The following RC3H1 variants were observed in gnomAD, a reference collection of about 807,000 sequenced individuals.
RC3H1 encodes ring finger and CCCH-type domains 1.
RC3H1 carries 50 observed loss-of-function variants against 138.2 expected under a neutral mutation model. The observed-to-expected ratio is 0.36, with a 90% CI of 0.29 to 0.46. The LOEUF is 0.46. Ranked by LOEUF, RC3H1 falls within the 20% of genes least tolerant of loss-of-function variation. The pLI is 1.00. For synonymous variants in RC3H1, 462 were observed against 489.1 expected, an observed-to-expected ratio of 0.94 and a Z score of 0.73; for missense variants, 1,031 against 1,388.1, an observed-to-expected ratio of 0.74 and a Z score of 4.09.
chr1:174,022,053 G>C lies in RC3H1; in HGVS notation c.-151+43C>G, dbSNP rs1661977147. The C allele has an allele frequency of 5.1e-6, 2 of 394,434 alleles. No homozygotes were observed. Among genetic ancestry groups the C allele is most frequent in the East Asian group, 7.2e-5 (2 of 27,614 alleles). 24.4% of individuals were successfully genotyped at this position (394,434 alleles called of 1,614,324 possible). A position where few individuals can be genotyped will look rare whatever the true frequency, so the allele number is the denominator to read the frequency against. ...ATTGTTCCCGACTGAGGCCCCGGCCGCGGCAGCCCCGCTCCCCAAGTCGCC... is the reference window on the plus strand; with the variant it reads ...ATTGTTCCCGACTGAGGCCCCGGCCCCGGCAGCCCCGCTCCCCAAGTCGCC... On this transcript the variant is annotated intron_variant, in intron 1 of 19. Coordinates refer to ENST00000367696, the MANE Select transcript of RC3H1 (RefSeq NM_172071.4). The surrounding 1 kb of genome is among the most constrained non-coding windows in gnomAD (Gnocchi z 4.2).
At chr1:173,995,004 A>G (rs1329168890) in intron 1 of RC3H1, among the ~76,000 whole-genome samples, 1 of 152,132 alleles carries the variant, frequency 6.6e-6, no homozygotes, top group Admixed American at 6.5e-5. Flanking sequence ...CTAAATATAT[A>G]ATTGCAAGTT....
At chr1:173,956,486 C>T (rs933367716) in intron 13 of RC3H1, among the ~76,000 whole-genome samples, 4 of 151,452 alleles carry the variant, frequency 2.6e-5, no homozygotes, top group Admixed American at 2.6e-4. Context: ...ATGGAGAAAC[C>T]CCATCTCTAC....
intron 1 of RC3H1, among the ~76,000 whole-genome samples, chr1:173,994,309 C>T (rs1661407867): frequency 6.6e-6 from 1 of 151,946 alleles, no homozygotes; most frequent in Admixed American, 6.6e-5. Context: ...AGGAGAATTG[C>T]TTGAACCCAG....
chr1:173,964,833 A>G lies in RC3H1; in HGVS notation c.1616+6T>C. On this transcript the variant is annotated splice_donor_region_variant and intron_variant, in intron 10 of 19. Coordinates refer to ENST00000367696, the MANE Select transcript of RC3H1 (RefSeq NM_172071.4). ...TTTTGAAATAAGAGTTAGAAAAATG[A>G]CGTACAGGTCAGGAGGGGATCCAGG... The G allele has an allele frequency of 6.2e-7, 1 of 1,604,902 alleles. No homozygotes were observed. Among genetic ancestry groups the G allele is most frequent in the East Asian group, 2.2e-5 (1 of 44,640 alleles).
chr1:173,939,119 C>T (rs374107033), intron 19 of RC3H1, among the ~76,000 whole-genome samples: 9 of 151,828 alleles, frequency 5.9e-5, no homozygotes, highest in South Asian at 2.1e-4. Context: ...ATTTGTTTAA[C>T]GTATTATCCA....
At chr1:173,978,754 G>C (rs1660682742) in intron 6 of RC3H1, 134 bp from the exon 7 acceptor site, 1 of 904,756 alleles carries the variant, frequency 1.1e-6, no homozygotes, top group East Asian at 2.7e-5. Context: ...ACTTTGGCCA[G>C]AGTAGATTAC....
Position 173,943,485 on chromosome 1 carries a change from T to C in RC3H1, c.3092A>G (p.Gln1031Arg), listed in dbSNP as rs751814373. The C allele has an allele frequency of 3.0e-5, 49 of 1,613,940 alleles. No individual in the cohort carries two copies. In the East Asian group the frequency reaches 8.9e-4, roughly 29 times the overall value. Reference sequence around the variant, plus strand: ...TCTCTTCCCGATTTCCCTTTCCACCTGGTGCAGTTCCAAGCTCAACTGCTC... The same window carrying C: ...TCTCTTCCCGATTTCCCTTTCCACCCGGTGCAGTTCCAAGCTCAACTGCTC... ...SSEQLSLELH[Q>R]VEREIGKRTR... Residue 1031 changes from glutamine to arginine, a missense_variant, in exon 18 of 20, where the codon CAG (glutamine) becomes CGG (arginine). Around this residue, in one of 7 missense-constraint regions of RC3H1, gnomAD observed 716 missense variants for 837.9 expected, o/e 0.85. Transcript: ENST00000367696.
intron 6 of RC3H1, among the ~76,000 whole-genome samples, chr1:173,980,285 G>C (rs1368322910): frequency 6.6e-6 from 1 of 150,936 alleles, no homozygotes; most frequent in African/African-American, 2.4e-5. Flanking sequence ...AGGTGGGGGG[G>C]AATAGTCTGG....
chr1:173,984,056 A>G (rs1660926049), intron 3 of RC3H1, among the ~76,000 whole-genome samples: 1 of 152,234 alleles, frequency 6.6e-6, no homozygotes, highest in African/African-American at 2.4e-5. Flanking sequence ...CTTTCTGTGC[A>G]GTAATGGCAA....
intron 13 of RC3H1, among the ~76,000 whole-genome samples, chr1:173,956,122 G>A (rs1415426097): frequency 7.7e-6 from 1 of 130,690 alleles, no homozygotes; most frequent in Non-Finnish European, 1.5e-5. Flanking sequence ...CAGAGCAAGA[G>A]TCTGTCTCAA....
At chr1:174,007,626 G>A (rs1300563153) in intron 1 of RC3H1, among the ~76,000 whole-genome samples, 1 of 151,986 alleles carries the variant, frequency 6.6e-6, no homozygotes, top group African/African-American at 2.4e-5. Context: ...ACCATGCCGG[G>A]CAACTTTTTA....
intron 13 of RC3H1, among the ~76,000 whole-genome samples, chr1:173,956,667 TAAAAAAA>T (rs75866304): frequency 2.2e-4 from 19 of 84,916 alleles, no homozygotes; most frequent in Non-Finnish European, 2.5e-5. Flanking sequence ...CTCAAAAAAT[TAAAAAAA>T]AAAAAAAAAA....
intron 14 of RC3H1, among the ~76,000 whole-genome samples, chr1:173,948,211 GCAAT>G: frequency 6.6e-6 from 1 of 152,230 alleles, no homozygotes; most frequent in Non-Finnish European, 1.5e-5. Flanking sequence ...GAGATTCACA[GCAAT>G]CAATCATAAG....
intron 1 of RC3H1, among the ~76,000 whole-genome samples, chr1:174,021,145 G>A (rs1303276784): frequency 6.6e-6 from 1 of 152,138 alleles, no homozygotes; most frequent in Non-Finnish European, 1.5e-5. Flanking sequence ...GTCTCCTTTC[G>A]AAGTGCTTCC....
chr1:173,941,416 T>A, intron 18 of RC3H1, 36 bp from the exon 19 acceptor site: 1 of 1,336,826 alleles, frequency 7.5e-7, no homozygotes, highest in Non-Finnish European at 1.1e-6. Flanking sequence ...AGTTATCATC[T>A]ATTTAATGGT....
Position 173,980,937 on chromosome 1 carries a change from G to C in RC3H1, c.841C>G (p.Arg281Gly), listed in dbSNP as rs1321145513. The change falls in exon 6 of 20, where the codon CGA (arginine) becomes GGA (glycine). Residue 281 changes from arginine to glycine, a missense_variant. Arg to Gly is a moderately radical substitution (Grantham distance 125). Transcript: ENST00000367696. ...EEFRTYEALR[R>G]EHDSQIVQIA... The stretch of plus-strand genomic sequence containing the variant: ...TGCACTATCTGGGAGTCATGTTCTC[G>C]CCGCAGAGCTTCATAGGTTCTAAAT... 6.2e-7 allele frequency: 1 copy of C among 1,613,940 alleles called. No homozygotes were observed. The highest frequency in any genetic ancestry group is 8.5e-7 in the Non-Finnish European group (1 of 1,179,886).
chr1:173,969,153 G>C (rs1426222452), intron 9 of RC3H1, among the ~76,000 whole-genome samples: 1 of 151,580 alleles, frequency 6.6e-6, no homozygotes, highest in Non-Finnish European at 1.5e-5. Context: ...GCTGGAATTT[G>C]ATTTTTAATT....
chr1:174,001,571 G>A (rs1453737870), intron 1 of RC3H1, among the ~76,000 whole-genome samples: 1 of 152,002 alleles, frequency 6.6e-6, no homozygotes, highest in Non-Finnish European at 1.5e-5. Context: ...AGAGTAGCTG[G>A]GATTACAGAT....
intron 1 of RC3H1, among the ~76,000 whole-genome samples, chr1:174,005,334 T>C (rs570057762): frequency 3.9e-5 from 6 of 152,308 alleles, no homozygotes; most frequent in East Asian, 3.9e-4. Context: ...TCAGTCCAAA[T>C]TGCTGACTCA....
Sources: gnomAD v4.1 joint callset for allele counts (sites outside exome capture counted in the v4.1 genomes callset) on GRCh38, gnomAD v4.1.1 for gene constraint, gnomAD v4.1.1 regional missense constraint, Gnocchi (gnomAD v3.1) non-coding constraint, MANE v1.5 for transcripts, NCBI Gene and HGNC (gene_info 2026-07-23, HGNC 2026-07-21) for gene names.